Variants in FBN1 observed in about 807,000 individuals in gnomAD.
The protein encoded by FBN1 is fibrillin 1, also known as fibrillin-1.
Under a neutral mutation model 365.1 loss-of-function variants are expected in FBN1, and 29 were observed. The ratio of observed to expected loss-of-function variants is 0.08; its 90% CI spans 0.06 to 0.11. The LOEUF (loss-of-function observed/expected upper bound fraction) is 0.11, where lower values mean the gene tolerates loss of function less well. FBN1 is among the 10% of genes least tolerant of loss of function. The pLI is 1.00. For missense variants in FBN1, 2,476 were observed against 3,703.2 expected, an observed-to-expected ratio of 0.67 and a Z score of 8.60; for synonymous variants, 1,210 against 1,270.5, an observed-to-expected ratio of 0.95 and a Z score of 1.01.
At chr15:48,563,179 C>G (rs1256711354) in intron 6 of FBN1, among the ~76,000 whole-genome samples, 1 of 152,158 alleles carries the variant, frequency 6.6e-6, no homozygotes, top group African/African-American at 2.4e-5. Context: ...CTGCCAGACA[C>G]TATTCTAGGC....
At chr15:48,576,368 G>C (rs2044347660) in intron 6 of FBN1, among the ~76,000 whole-genome samples, 1 of 151,964 alleles carries the variant, frequency 6.6e-6, no homozygotes, top group African/African-American at 2.4e-5. Context: ...TGACCTCTCA[G>C]CCTGATTAAA....
chr15:48,594,798 C>T (rs2044504544), intron 6 of FBN1, among the ~76,000 whole-genome samples: 1 of 152,120 alleles, frequency 6.6e-6, no homozygotes, highest in African/African-American at 2.4e-5. Context: ...TTTTCTAAAA[C>T]AAATTATGCC....
chr15:48,619,926 C>A (rs1889735131), intron 2 of FBN1, among the ~76,000 whole-genome samples: 1 of 151,436 alleles, frequency 6.6e-6, no homozygotes. Context: ...TCTGGATACT[C>A]TACATGCTTC....
intron 8 of FBN1, chr15:48,529,434 T>C (rs2043947887): frequency 1.3e-5 from 2 of 152,336 alleles, no homozygotes; most frequent in Admixed American, 1.3e-4. Flanking sequence ...AGCCCCTTCA[T>C]CCTAGGGCTC....
Position 48,437,096 on chromosome 15 carries a change from A to T in FBN1, c.6380-19T>A, listed in dbSNP as rs764874493. The T allele has an allele frequency of 1.3e-6, 2 of 1,503,994 alleles. No individual in the cohort carries two copies. Among genetic ancestry groups the T allele is most frequent in the Non-Finnish European group, 1.9e-6 (2 of 1,079,862 alleles). The allele number at this position is 1,503,994 out of a possible 1,614,324, so 93.2% of individuals were successfully genotyped here. A position where few individuals can be genotyped will look rare whatever the true frequency, so the allele number is the denominator to read the frequency against. On this transcript the variant is annotated intron_variant, in intron 52 of 65. Transcript: ENST00000316623. ...TCCATATCTTAAGCAAGAGAAAAAA[A>T]ATAGTGAATAACAAGGTATTTTTTA...
intron 6 of FBN1, among the ~76,000 whole-genome samples, chr15:48,559,484 G>A (rs1398341792): frequency 6.6e-6 from 1 of 152,146 alleles, no homozygotes; most frequent in East Asian, 1.9e-4. Flanking sequence ...CCAAGGACAA[G>A]CAGGCAGACC....
chr15:48,607,036 T>G (rs1597629370), intron 4 of FBN1, among the ~76,000 whole-genome samples: 1 of 152,188 alleles, frequency 6.6e-6, no homozygotes, highest in African/African-American at 2.4e-5. Flanking sequence ...GCTCTGGACT[T>G]CCCAGCCTCC....
chr15:48,472,455 G>GT (rs1245860301), intron 35 of FBN1, 96 bp downstream of exon 35: 2 of 1,368,074 alleles, frequency 1.5e-6, no homozygotes, highest in Non-Finnish European at 2.0e-6. Flanking sequence ...ACACACCTCA[G>GT]TTTAAAAAAA....
intron 63 of FBN1, 151 bp from the exon 64 acceptor site, chr15:48,415,918 C>A: frequency 1.4e-6 from 1 of 708,238 alleles, no homozygotes; most frequent in South Asian, 1.5e-5. Context: ...GGGAGAGCAA[C>A]AGCAGAGAAA....
chr15:48,449,684 T>C (rs2043185831), intron 45 of FBN1, among the ~76,000 whole-genome samples: 1 of 152,202 alleles, frequency 6.6e-6, no homozygotes, highest in Admixed American at 6.6e-5. Context: ...AAGCTCTATG[T>C]TTAGAGTAAA....
At position 48,538,382 on chromosome 15, in the gene FBN1, A is replaced by G. The variant is rs980548234; in HGVS notation, c.539-574T>C. ...GTTGGGGTCATCTTATTTCAAATAC[A>G]AAACAAGCAAACCAACAAACAAGAA... On this transcript the variant is annotated intron_variant, in intron 6 of 65. Coordinates refer to ENST00000316623, the MANE Select transcript of FBN1 (RefSeq NM_000138.5). Among the ~76,000 whole-genome samples the G allele has an allele frequency of 2.6e-5, 4 of 152,224 alleles. No homozygotes were observed. The East Asian group carries it at 7.7e-4, about 29-fold the overall frequency.
At chr15:48,556,462 C>T (rs1168219114) in intron 6 of FBN1, among the ~76,000 whole-genome samples, 1 of 152,194 alleles carries the variant, frequency 6.6e-6, no homozygotes, top group African/African-American at 2.4e-5. Context: ...ATCAGAACCA[C>T]ATGGGTTAAA....
intron 61 of FBN1, 128 bp from the exon 62 acceptor site, chr15:48,421,814 A>G: frequency 8.3e-7 from 1 of 1,206,124 alleles, no homozygotes; most frequent in South Asian, 1.3e-5. Flanking sequence ...ACATACATGT[A>G]CAGGTGTGCT....
At chr15:48,493,698 T>C (rs781301991) in intron 23 of FBN1, among the ~76,000 whole-genome samples, 5 of 152,232 alleles carry the variant, frequency 3.3e-5, no homozygotes, top group Non-Finnish European at 7.3e-5. Flanking sequence ...TTTCAGCTGC[T>C]GTGTCATGTC....
At position 48,427,719 on chromosome 15, in the gene FBN1, C is replaced by A. The variant is rs2042988981; in HGVS notation, c.7052G>T (p.Gly2351Val). The A allele has an allele frequency of 6.2e-7, 1 of 1,614,064 alleles. No individual in the cohort carries two copies. The highest frequency in any genetic ancestry group is 8.5e-7 in the Non-Finnish European group (1 of 1,179,988). ...GGTGACGGGGTTCCTGTTGCTGGAGCCGATCTGACACATGTTTTGTAGCAC... is the reference window on the plus strand; with the variant it reads ...GGTGACGGGGTTCCTGTTGCTGGAGACGATCTGACACATGTTTTGTAGCAC... ...TEVLQNMCQI[G>V]SSNRNPVTKS... The change falls in exon 58 of 66, where the codon GGC becomes GTC. Residue 2351 changes from glycine (G) to valine (V), a missense_variant. Transcript: ENST00000316623.
chr15:48,549,481 G>C (rs2044124478), intron 6 of FBN1, among the ~76,000 whole-genome samples: 1 of 152,154 alleles, frequency 6.6e-6, no homozygotes, highest in Admixed American at 6.5e-5. Context: ...TTTGCTTCCA[G>C]CCCTGGGTAA....
intron 2 of FBN1, among the ~76,000 whole-genome samples, chr15:48,631,050 A>G (rs1219069373): frequency 6.6e-6 from 1 of 151,992 alleles, no homozygotes; most frequent in Non-Finnish European, 1.5e-5. Context: ...GCGTATAGGA[A>G]CTCTACGAAA....
intron 2 of FBN1, among the ~76,000 whole-genome samples, chr15:48,627,259 T>C (rs1889902769): frequency 1.3e-5 from 2 of 152,166 alleles, no homozygotes; most frequent in South Asian, 4.1e-4. Flanking sequence ...AGGAAAACAA[T>C]GTAAAGAGAA....
Position 48,427,782 on chromosome 15 carries a change from G to A in FBN1, c.6998-9C>T. 1 of 1,611,918 alleles carries A rather than the reference G, an allele frequency of 6.2e-7. No homozygotes were observed. Among genetic ancestry groups the A allele is most frequent in the Non-Finnish European group, 8.5e-7 (1 of 1,178,474 alleles). On this transcript the variant is annotated splice_polypyrimidine_tract_variant and intron_variant, in intron 57 of 65. Transcript: ENST00000316623. Reference sequence around the variant, plus strand: ...GTACCCTTCCCGATTGTCTGGAAGGGACATTATATGGCAAAGGGGATGTCA... The same window carrying A: ...GTACCCTTCCCGATTGTCTGGAAGGAACATTATATGGCAAAGGGGATGTCA...
Sources: allele counts gnomAD v4.1 joint callset (sites outside exome capture counted in the v4.1 genomes callset), GRCh38; gene constraint gnomAD v4.1.1; transcripts MANE v1.5; gene names NCBI Gene and HGNC (gene_info 2026-07-23, HGNC 2026-07-21).